Variants in MAP2K5 observed in about 807,000 individuals in gnomAD.
MAP2K5 encodes dual specificity mitogen-activated protein kinase kinase 5.
In MAP2K5, 49 loss-of-function variants were observed where a neutral mutation model predicts 83.1. That is an observed-to-expected ratio of 0.59 (90% CI 0.47 to 0.75). MAP2K5 has a LOEUF of 0.75. Ranked by LOEUF, MAP2K5 falls within the 30% of genes least tolerant of loss-of-function variation. MAP2K5 has a pLI of 0.00. For synonymous variants in MAP2K5, 202 were observed against 191.8 expected (o/e 1.05, Z -0.44); for missense variants, 457 against 557.5 (o/e 0.82, Z 1.82).
rs1415763740 is a variant in MAP2K5 at position 67,783,373 on chromosome 15, C to G, written c.1242+10621C>G. Among the ~76,000 whole-genome samples the G allele has an allele frequency of 1.3e-5, 2 of 152,220 alleles. No individual in the cohort carries two copies. The highest frequency in any genetic ancestry group is 2.9e-5 in the Non-Finnish European group (2 of 68,050). On this transcript the variant is annotated intron_variant, in intron 21 of 21. Coordinates refer to ENST00000178640, the MANE Select transcript of MAP2K5 (RefSeq NM_145160.3). The surrounding 1 kb of genome is among the most constrained non-coding windows in gnomAD (Gnocchi z 5.1). Reference sequence around the variant, plus strand: ...CTGTGGAGTCCTGTGCTCCAAACTTCTGGCAGTCCCCAGATGCGTGAGGCA... The same window carrying G: ...CTGTGGAGTCCTGTGCTCCAAACTTGTGGCAGTCCCCAGATGCGTGAGGCA...
intron 12 of MAP2K5, among the ~76,000 whole-genome samples, chr15:67,662,820 G>T (rs537906992): frequency 1.9e-4 from 29 of 151,912 alleles, no homozygotes; most frequent in Non-Finnish European, 1.5e-4. Flanking sequence ...TTATTTCCTT[G>T]ACCTGCCCTT....
At chr15:67,586,092 C>T (rs1228209552) in intron 5 of MAP2K5, among the ~76,000 whole-genome samples, 162 bp downstream of exon 5, 2 of 152,076 alleles carry the variant, frequency 1.3e-5, no homozygotes, top group African/African-American at 2.4e-5. Flanking sequence ...GTAGTATTTG[C>T]TCAGTATGTG....
At chr15:67,791,092 G>A (rs901181259) in intron 21 of MAP2K5, among the ~76,000 whole-genome samples, 2 of 152,188 alleles carry the variant, frequency 1.3e-5, no homozygotes, top group Non-Finnish European at 2.9e-5. Context: ...AGCTGGGCAG[G>A]AGCCAAGCAT....
chr15:67,766,745 G>A (rs796540404), intron 19 of MAP2K5, among the ~76,000 whole-genome samples: 1 of 152,304 alleles, frequency 6.6e-6, no homozygotes, highest in African/African-American at 2.4e-5. Flanking sequence ...GTCAAGTCCT[G>A]CAGTGCAGAG....
intron 4 of MAP2K5, among the ~76,000 whole-genome samples, chr15:67,584,033 G>C (rs1050732265): frequency 2.4e-4 from 37 of 152,240 alleles, no homozygotes; most frequent in African/African-American, 8.4e-4. Context: ...AAAGGCATGA[G>C]CCACCATGCC....
chr15:67,705,019 T>C (rs2088514986), intron 16 of MAP2K5, among the ~76,000 whole-genome samples: 1 of 152,186 alleles, frequency 6.6e-6, no homozygotes, highest in Non-Finnish European at 1.5e-5. Flanking sequence ...TTGTAAAATA[T>C]TGATCTCTAA....
At chr15:67,601,834 TC>T (rs2085665608) in intron 8 of MAP2K5, among the ~76,000 whole-genome samples, 1 of 152,228 alleles carries the variant, frequency 6.6e-6, no homozygotes, top group Admixed American at 6.5e-5. Flanking sequence ...AGTAATCTGA[TC>T]CAGTCACCCA....
Position 67,577,460 on chromosome 15 carries a change from T to G in MAP2K5, c.253-3294T>G, listed in dbSNP as rs74023012. 0.012 allele frequency among the ~76,000 whole-genome samples: 1,890 copies of G among 152,296 alleles called. 43 individuals carry two copies. Among genetic ancestry groups the G allele is most frequent in the African/African-American group, 0.043 (1,797 of 41,560 alleles). ...GATTATAGACCTGAAGATGAAGTTA[T>G]TTGGATAACTTGAAGTAATATTATG... is the stretch of plus-strand genomic sequence containing the variant. On this transcript the variant is annotated intron_variant, in intron 3 of 21. Transcript: ENST00000178640. The surrounding 1 kb of genome is among the most constrained non-coding windows in gnomAD (Gnocchi z 4.1).
intron 21 of MAP2K5, among the ~76,000 whole-genome samples, chr15:67,797,661 A>T (rs556508890): frequency 7.9e-5 from 12 of 151,984 alleles, no homozygotes; most frequent in Admixed American, 3.3e-4. Flanking sequence ...GGTTTTTTTT[A>T]AATTTGAGAA....
In MAP2K5 at chr15:67,748,562, A is replaced by G. The variant is rs1277055880; in HGVS notation, c.1102-7A>G. The G allele has an allele frequency of 1.9e-6, 3 of 1,613,816 alleles. No individual in the cohort carries two copies. Among genetic ancestry groups the G allele is most frequent in the South Asian group, 1.1e-5 (1 of 91,066 alleles). ...AATACTTTTTCCTCTCTTCTTTTCCATTGCAGCCTCTCCAGCTTCTGCAGT... is the reference window on the plus strand; with the variant it reads ...AATACTTTTTCCTCTCTTCTTTTCCGTTGCAGCCTCTCCAGCTTCTGCAGT... On this transcript the variant is annotated splice_region_variant and splice_polypyrimidine_tract_variant and intron_variant, in intron 18 of 21. Coordinates refer to ENST00000178640, the MANE Select transcript of MAP2K5 (RefSeq NM_145160.3). The surrounding 1 kb of genome is among the most constrained non-coding windows in gnomAD (Gnocchi z 4.0).
In MAP2K5 at chr15:67,779,364, A is replaced by T. The variant is rs2090288961; in HGVS notation, c.1242+6612A>T. Among the ~76,000 whole-genome samples, 1 of 152,252 alleles carries T rather than the reference A, an allele frequency of 6.6e-6. No individual in the cohort carries two copies. Among genetic ancestry groups the T allele is most frequent in the Non-Finnish European group, 1.5e-5 (1 of 68,038 alleles). On this transcript the variant is annotated intron_variant, in intron 21 of 21. Coordinates refer to ENST00000178640, the MANE Select transcript of MAP2K5 (RefSeq NM_145160.3). This position sits in a 1 kb window ranked among gnomAD's most constrained non-coding sequence, Gnocchi z 4.6. ...TGGATACTTGAGATCGCACTAAATCAGACAGCTTTAATTTGAATTTTTGAT... is the reference window on the plus strand; with the variant it reads ...TGGATACTTGAGATCGCACTAAATCTGACAGCTTTAATTTGAATTTTTGAT...
chr15:67,571,224 A>G lies in MAP2K5; in HGVS notation c.252+7874A>G, dbSNP rs2084941319. Among the ~76,000 whole-genome samples the G allele has an allele frequency of 2.6e-5, 4 of 152,312 alleles. No homozygotes were observed. In the South Asian group the frequency reaches 8.3e-4, roughly 32 times the overall value. On this transcript the variant is annotated intron_variant, in intron 3 of 21. Coordinates refer to ENST00000178640, the MANE Select transcript of MAP2K5 (RefSeq NM_145160.3). The stretch of plus-strand genomic sequence containing the variant: ...GTTGTTTATTTTTTTCCCCCAGAAA[A>G]TTCACATAATGCAGCATTTCACCAG...
chr15:67,796,629 G>A (rs1030928478), intron 21 of MAP2K5, among the ~76,000 whole-genome samples: 2 of 152,194 alleles, frequency 1.3e-5, no homozygotes, highest in African/African-American at 4.8e-5. Context: ...TGTGATTTGA[G>A]TGAGGTCAAA....
intron 7 of MAP2K5, among the ~76,000 whole-genome samples, chr15:67,597,550 A>G (rs954135171): frequency 1.3e-5 from 2 of 152,240 alleles, no homozygotes; most frequent in African/African-American, 4.8e-5. Flanking sequence ...TCCCAACTAT[A>G]ATATTTAAAT....
intron 8 of MAP2K5, among the ~76,000 whole-genome samples, chr15:67,602,629 C>A (rs1365981532): frequency 6.6e-6 from 1 of 152,050 alleles, no homozygotes; most frequent in East Asian, 1.9e-4. Context: ...CATTTTAATC[C>A]TTTATTTTAA....
chr15:67,597,186 G>GA (rs58243841), intron 7 of MAP2K5, among the ~76,000 whole-genome samples: 40,648 of 143,276 alleles, frequency 0.28, 5,745 homozygotes, highest in East Asian at 0.43. Flanking sequence ...AAAAAAAAAA[G>GA]AAAAAAAAAA....
intron 8 of MAP2K5, among the ~76,000 whole-genome samples, chr15:67,618,476 A>G (rs938258959): frequency 6.6e-6 from 1 of 152,164 alleles, no homozygotes; most frequent in African/African-American, 2.4e-5. Flanking sequence ...ATGCTGAGGA[A>G]GTCCAGATGT....
intron 11 of MAP2K5, among the ~76,000 whole-genome samples, chr15:67,656,544 G>A (rs2087083904): frequency 6.6e-6 from 1 of 151,982 alleles, no homozygotes; most frequent in Non-Finnish European, 1.5e-5. Context: ...TCCTAGGCTG[G>A]TCTCAAACTC....
In MAP2K5 at chr15:67,780,467, T is replaced by G. The variant is rs1288110336; in HGVS notation, c.1242+7715T>G. On this transcript the variant is annotated intron_variant, in intron 21 of 21. Coordinates refer to ENST00000178640, the MANE Select transcript of MAP2K5 (RefSeq NM_145160.3). This position sits in a 1 kb window ranked among gnomAD's most constrained non-coding sequence, Gnocchi z 5.0. ...AGTGTTGGTTGCACATGCTATTCTC[T>G]CTAATCCAATCCAGTAAAACACTGT... Among the ~76,000 whole-genome samples the G allele has an allele frequency of 1.3e-5, 2 of 152,214 alleles. No individual in the cohort carries two copies. Among genetic ancestry groups the G allele is most frequent in the African/African-American group, 2.4e-5 (1 of 41,454 alleles).
Sources: gnomAD v4.1 joint callset for allele counts (sites outside exome capture counted in the v4.1 genomes callset) on GRCh38, gnomAD v4.1.1 for gene constraint, Gnocchi (gnomAD v3.1) non-coding constraint, MANE v1.5 for transcripts, NCBI Gene and HGNC (gene_info 2026-07-23, HGNC 2026-07-21) for gene names.